The following HS3ST4 variants were observed in gnomAD, a reference collection of about 807,000 sequenced individuals.
HS3ST4 encodes the protein heparan sulfate-glucosamine 3-sulfotransferase 4.
In HS3ST4, 17 loss-of-function variants were observed where a neutral mutation model predicts 29.2. The ratio of observed to expected loss-of-function variants is 0.58; its 90% CI spans 0.40 to 0.87. The LOEUF is 0.87. Ranked by LOEUF, HS3ST4 falls within the 40% of genes least tolerant of loss-of-function variation. HS3ST4 has a pLI of 0.00. For synonymous variants in HS3ST4, 314 were observed against 285.7 expected (o/e 1.10, Z -1.00); for missense variants, 627 against 634.5 (o/e 0.99, Z 0.13).
chr16:26,106,717 G>A (rs1001997699), intron 1 of HS3ST4, among the ~76,000 whole-genome samples: 2 of 152,234 alleles, frequency 1.3e-5, no homozygotes, highest in Non-Finnish European at 2.9e-5. Flanking sequence ...AGAGGAAAGT[G>A]AAACCAGATA....
At chr16:26,134,362 CTT>C (rs60068546) in intron 1 of HS3ST4, among the ~76,000 whole-genome samples, 4 of 76,796 alleles carry the variant, frequency 5.2e-5, no homozygotes, top group Non-Finnish European at 7.8e-5. Flanking sequence ...CTTTTCTTTT[CTT>C]TTTTTTTTTT....
chr16:25,940,959 G>C (rs1382985481), intron 1 of HS3ST4, among the ~76,000 whole-genome samples: 1 of 152,086 alleles, frequency 6.6e-6, no homozygotes, highest in African/African-American at 2.4e-5. Flanking sequence ...TTCTGTCCCA[G>C]GGCTGTTTGT....
Position 26,031,693 on chromosome 16 carries a change from G to A in HS3ST4, c.735-103919G>A, listed in dbSNP as rs563729634. 1.2e-3 allele frequency among the ~76,000 whole-genome samples: 173 copies of A among 148,514 alleles called. 1 individual carries two copies. The highest frequency in any genetic ancestry group is 2.0e-3 in the Admixed American group (30 of 14,992). ...CACCGGCCACAGGGCCCAGCAGAAA[G>A]ATGGAGGCGTGTTTTTTTTTTTTTT... is the stretch of plus-strand genomic sequence containing the variant. On this transcript the variant is annotated intron_variant, in intron 1 of 1. Coordinates refer to ENST00000331351, the MANE Select transcript of HS3ST4 (RefSeq NM_006040.3).
intron 1 of HS3ST4, among the ~76,000 whole-genome samples, chr16:25,890,618 A>G (rs116672285): frequency 0.012 from 1,773 of 152,306 alleles, 44 homozygotes; most frequent in African/African-American, 0.041. Flanking sequence ...CTTTTCCATC[A>G]TGGAATCTAT....
intron 1 of HS3ST4, among the ~76,000 whole-genome samples, chr16:25,853,030 A>G (rs1024763884): frequency 1.9e-5 from 2 of 106,656 alleles, no homozygotes; most frequent in Non-Finnish European, 4.4e-5. Context: ...CTCTTGCCTC[A>G]ACACTTGTAA....
chr16:25,801,562 C>T (rs1312028647), intron 1 of HS3ST4, among the ~76,000 whole-genome samples: 1 of 152,318 alleles, frequency 6.6e-6, no homozygotes, highest in African/African-American at 2.4e-5. Context: ...CCTGTTTTCT[C>T]ATACCCTGGA....
intron 1 of HS3ST4, among the ~76,000 whole-genome samples, chr16:25,950,644 C>G (rs904048082): frequency 2.6e-5 from 4 of 151,940 alleles, no homozygotes; most frequent in African/African-American, 9.7e-5. Flanking sequence ...TGCACCATCT[C>G]AAGCTGAAGA....
chr16:25,800,871 G>T (rs1478618153), intron 1 of HS3ST4, among the ~76,000 whole-genome samples: 1 of 152,140 alleles, frequency 6.6e-6, no homozygotes, highest in East Asian at 1.9e-4. Context: ...CCTCAAAGCA[G>T]AAAATGAGCC....
rs191860803 is a variant in HS3ST4 at position 26,009,381 on chromosome 16, C to T, written c.735-126231C>T. On this transcript the variant is annotated intron_variant, in intron 1 of 1. Transcript: ENST00000331351. ...TTACTCATTGTTCTATCTCTAGCCC[C>T]TAGCATTGCTCCTGAAACATGTTGA... Among the ~76,000 whole-genome samples the T allele has an allele frequency of 1.4e-4, 22 of 152,354 alleles. No homozygotes were observed. The East Asian group carries it at 3.5e-3, about 24-fold the overall frequency.
At chr16:25,975,712 G>T (rs958155763) in intron 1 of HS3ST4, among the ~76,000 whole-genome samples, 1 of 152,146 alleles carries the variant, frequency 6.6e-6, no homozygotes, top group African/African-American at 2.4e-5. Context: ...CATGGGAAGA[G>T]AAATCCTCTT....
intron 1 of HS3ST4, among the ~76,000 whole-genome samples, chr16:25,873,405 T>TCCGTCCAC (rs1967781853): frequency 1.2e-5 from 1 of 84,698 alleles, no homozygotes; most frequent in African/African-American, 4.2e-5. Context: ...CATCCATCCA[T>TCCGTCCAC]CCATCCATCC....
chr16:25,987,557 A>G lies in HS3ST4; in HGVS notation c.735-148055A>G, dbSNP rs146595030. On this transcript the variant is annotated intron_variant, in intron 1 of 1. Transcript: ENST00000331351. ...AGAGATGGGATCCAAACTCAAGGATATGGCCTCTGAAGCTGGTGCTCTTTG... is the reference window on the plus strand; with the variant it reads ...AGAGATGGGATCCAAACTCAAGGATGTGGCCTCTGAAGCTGGTGCTCTTTG... Among the ~76,000 whole-genome samples the G allele has an allele frequency of 4.4e-3, 669 of 152,264 alleles. 7 individuals carry two copies. The highest frequency in any genetic ancestry group is 0.015 in the African/African-American group (636 of 41,552).
At chr16:25,932,208 G>C (rs1436741244) in intron 1 of HS3ST4, among the ~76,000 whole-genome samples, 1 of 152,138 alleles carries the variant, frequency 6.6e-6, no homozygotes, top group Non-Finnish European at 1.5e-5. Context: ...CAGCTGCTTG[G>C]GAGGCTGAGG....
At chr16:26,120,987 C>A (rs1899268053) in intron 1 of HS3ST4, among the ~76,000 whole-genome samples, 1 of 152,186 alleles carries the variant, frequency 6.6e-6, no homozygotes, top group Non-Finnish European at 1.5e-5. Context: ...CTTTCAGGCA[C>A]CCTGCTAAGT....
intron 1 of HS3ST4, among the ~76,000 whole-genome samples, chr16:25,956,997 C>CAAAAA (rs11382105): frequency 9.0e-5 from 7 of 77,758 alleles, no homozygotes; most frequent in African/African-American, 1.6e-4. Context: ...GACTCCGTCT[C>CAAAAA]AAAAAAAAAA....
At chr16:25,699,497 T>C (rs1966320624) in intron 1 of HS3ST4, among the ~76,000 whole-genome samples, 1 of 151,960 alleles carries the variant, frequency 6.6e-6, no homozygotes, top group South Asian at 2.1e-4. Flanking sequence ...CTTGCACTTA[T>C]AAAATAGATT....
At chr16:26,026,453 A>G (rs936357771) in intron 1 of HS3ST4, among the ~76,000 whole-genome samples, 18 of 152,126 alleles carry the variant, frequency 1.2e-4, no homozygotes, top group African/African-American at 4.3e-4. Context: ...GTCACCAATG[A>G]TCTGGTTATT....
At chr16:26,109,655 C>T (rs902325966) in intron 1 of HS3ST4, among the ~76,000 whole-genome samples, 11 of 151,988 alleles carry the variant, frequency 7.2e-5, no homozygotes, top group Admixed American at 1.3e-4. Context: ...GCAGTGTACA[C>T]GGTCTTATAT....
intron 1 of HS3ST4, chr16:26,032,652 T>A: frequency 7.1e-7 from 1 of 1,406,464 alleles, no homozygotes; most frequent in East Asian, 2.3e-5. Flanking sequence ...TTTTTCCCTT[T>A]GGGTACCTTC....
Sources: gnomAD v4.1 joint callset for allele counts (sites outside exome capture counted in the v4.1 genomes callset) on GRCh38, gnomAD v4.1.1 for gene constraint, MANE v1.5 for transcripts, NCBI Gene and HGNC (gene_info 2026-07-23, HGNC 2026-07-21) for gene names.